Variants in JOSD2 observed in about 807,000 individuals in gnomAD.
JOSD2 encodes the protein josephin-2.
In JOSD2, 20 loss-of-function variants were observed where a neutral mutation model predicts 19.3. The ratio of observed to expected loss-of-function variants is 1.04; its 90% CI spans 0.73 to 1.51. JOSD2 has a LOEUF of 1.51. Ranked by LOEUF, JOSD2 falls within the 40% of genes most tolerant of loss-of-function variation. The probability of loss-of-function intolerance (pLI) is 0.00; values close to 1 mark genes in which losing one functional copy is unlikely to be tolerated. For missense variants in JOSD2, 215 were observed against 250.4 expected, an observed-to-expected ratio of 0.86 and a Z score of 0.95; for synonymous variants, 118 against 123.7, an observed-to-expected ratio of 0.95 and a Z score of 0.31.
At position 50,506,169 on chromosome 19, in the gene JOSD2, A is replaced by G. The variant is rs376569327; in HGVS notation, c.*4T>C. On this transcript the variant is annotated 3_prime_UTR_variant, in exon 5 of 5. Coordinates refer to ENST00000598418, the MANE Select transcript of JOSD2 (RefSeq NM_001270639.2). ...GCGCTGTGGGCGCCGATGGTCAGCC[A>G]TGGTCAGTCTGTCCGCAGCCAGCTG... 146 of 1,612,006 alleles carry G rather than the reference A, an allele frequency of 9.1e-5. 1 individual carries two copies. The highest frequency in any genetic ancestry group is 1.2e-4 in the Non-Finnish European group (137 of 1,179,510).
intron 2 of JOSD2, among the ~76,000 whole-genome samples, chr19:50,509,890 A>G (rs1383014714): frequency 6.6e-6 from 1 of 151,816 alleles, no homozygotes; most frequent in Non-Finnish European, 1.5e-5. Context: ...CGTCTCTACT[A>G]AAAATACAAA....
chr19:50,507,667 C>A lies in JOSD2; in HGVS notation c.179G>T (p.Arg60Leu), dbSNP rs376769993. ...ATAGTTGCCGGTGCCCAGGAGGCTGCGATGAGGGTTCAGCCGGGAGTCTGG... is the reference window on the plus strand; with the variant it reads ...ATAGTTGCCGGTGCCCAGGAGGCTGAGATGAGGGTTCAGCCGGGAGTCTGG... ...LAPDSRLNPH[R>L]SLLGTGNYDV... The change falls in exon 3 of 5, where the codon CGC becomes CTC. Residue 60 changes from arginine (R) to leucine (L), a missense_variant. Physicochemically the swap from Arg to Leu is moderately radical, Grantham distance 102. Coordinates refer to ENST00000598418, the MANE Select transcript of JOSD2 (RefSeq NM_001270639.2). The A allele has an allele frequency of 6.2e-7, 1 of 1,612,044 alleles. No individual in the cohort carries two copies. Among genetic ancestry groups the A allele is most frequent in the Non-Finnish European group, 8.5e-7 (1 of 1,179,900 alleles).
intron 2 of JOSD2, among the ~76,000 whole-genome samples, chr19:50,509,084 G>C (rs1979566623): frequency 6.7e-6 from 1 of 149,944 alleles, no homozygotes; most frequent in African/African-American, 2.5e-5. Context: ...AGGAGGGAGT[G>C]AGAGATGGTA....
chr19:50,509,987 A>G (rs1007651846), intron 2 of JOSD2, among the ~76,000 whole-genome samples: 9 of 141,486 alleles, frequency 6.4e-5, no homozygotes, highest in African/African-American at 1.6e-4. Context: ...CGGGAGGCCG[A>G]GCTCGCAGTG....
chr19:50,506,682 A>G, intron 3 of JOSD2, 110 bp from the exon 4 acceptor site: 1 of 982,610 alleles, frequency 1.0e-6, no homozygotes, highest in Non-Finnish European at 1.5e-6. Context: ...TCCTGAGCCC[A>G]CCCAGAGGTG....
chr19:50,510,273 G>A lies in JOSD2; in HGVS notation c.146+13C>T. The A allele has an allele frequency of 6.2e-7, 1 of 1,613,156 alleles. No homozygotes were observed. Among genetic ancestry groups the A allele is most frequent in the Non-Finnish European group, 8.5e-7 (1 of 1,179,948 alleles). ...GCTCTGCTGCTCCAGGGGCTGGGGT[G>A]GGTGACGGTCACCTCTTGCAGATCT... On this transcript the variant is annotated intron_variant, in intron 2 of 4. Transcript: ENST00000598418.
At chr19:50,507,196 C>G (rs561862667) in intron 3 of JOSD2, among the ~76,000 whole-genome samples, 1 of 148,404 alleles carries the variant, frequency 6.7e-6, no homozygotes, top group Non-Finnish European at 1.5e-5. Context: ...CACTCTTGAC[C>G]CCCCTGCCAT....
intron 2 of JOSD2, among the ~76,000 whole-genome samples, chr19:50,508,371 C>T (rs561715084): frequency 1.3e-5 from 2 of 152,316 alleles, no homozygotes; most frequent in African/African-American, 2.4e-5. Context: ...GCTTCTCCCA[C>T]GGGGTTGCCC....
intron 1 of JOSD2, 77 bp downstream of exon 1, chr19:50,511,040 G>C: frequency 4.5e-6 from 2 of 447,600 alleles, no homozygotes; most frequent in Non-Finnish European, 9.0e-6. Flanking sequence ...CCCCTCCCCG[G>C]ACACCAAGGA....
In JOSD2 at chr19:50,507,710, G is replaced by C; in HGVS notation, c.147-11C>G. 1 of 1,608,680 alleles carries C rather than the reference G, an allele frequency of 6.2e-7. No individual in the cohort carries two copies. Among genetic ancestry groups the C allele is most frequent in the Non-Finnish European group, 8.5e-7 (1 of 1,178,606 alleles). Reference sequence around the variant, plus strand: ...GAGTCTGGGGCCAACCTGGTAGTGGGGGTGGCCAGAGCTGAGGTGGGGACC... The same window carrying C: ...GAGTCTGGGGCCAACCTGGTAGTGGCGGTGGCCAGAGCTGAGGTGGGGACC... On this transcript the variant is annotated splice_polypyrimidine_tract_variant and intron_variant, in intron 2 of 4. Transcript: ENST00000598418.
chr19:50,510,131 G>T, intron 2 of JOSD2, 155 bp downstream of exon 2: 1 of 780,038 alleles, frequency 1.3e-6, no homozygotes, highest in Non-Finnish European at 2.0e-6. Flanking sequence ...GGCACAGGAG[G>T]CAACATCTCC....
intron 4 of JOSD2, 34 bp downstream of exon 4, chr19:50,506,344 C>A (rs746589422): frequency 3.1e-6 from 5 of 1,604,692 alleles, no homozygotes; most frequent in East Asian, 2.2e-5. Flanking sequence ...GGGTTTCAGG[C>A]CCCTGGTCTT....
At position 50,506,058 on chromosome 19, in the gene JOSD2, G is replaced by T; in HGVS notation, c.*115C>A. 1.1e-6 allele frequency: 1 copy of T among 933,086 alleles called. No individual in the cohort carries two copies. Among genetic ancestry groups the T allele is most frequent in the South Asian group, 1.7e-5 (1 of 60,454 alleles). 57.8% of individuals were successfully genotyped at this position (933,086 alleles called of 1,614,324 possible). A position where few individuals can be genotyped will look rare whatever the true frequency, so the allele number is the denominator to read the frequency against. On this transcript the variant is annotated 3_prime_UTR_variant, in exon 5 of 5. Coordinates refer to ENST00000598418, the MANE Select transcript of JOSD2 (RefSeq NM_001270639.2). The stretch of plus-strand genomic sequence containing the variant: ...GCAGTGGGGAGCAGGGGTGTGGGGA[G>T]GGGGCGGGGCCTCCCCAGGGTCCAT...
At chr19:50,508,320 A>C (rs1057148696) in intron 2 of JOSD2, among the ~76,000 whole-genome samples, 1 of 152,290 alleles carries the variant, frequency 6.6e-6, no homozygotes. Context: ...AGCCACCTCA[A>C]CGATGACAGC....
chr19:50,506,366 T>C lies in JOSD2; in HGVS notation c.467+12A>G. On this transcript the variant is annotated intron_variant, in intron 4 of 4. Transcript: ENST00000598418. ...AGGCCCCTGGTCTTGGAATCGCCTC[T>C]GTGGGGCTCACCTGACTCCGTCCTC... The C allele has an allele frequency of 1.2e-6, 2 of 1,605,290 alleles. No homozygotes were observed. Among genetic ancestry groups the C allele is most frequent in the African/African-American group, 2.7e-5 (2 of 74,930 alleles).
rs1979721515 is a variant in JOSD2 at position 50,510,450 on chromosome 19, T to A, written c.-17-2A>T. 2 of 1,594,048 alleles carry A rather than the reference T, an allele frequency of 1.3e-6. No individual in the cohort carries two copies. The highest frequency in any genetic ancestry group is 4.5e-5 in the East Asian group (2 of 44,400). ...GGGACATGCCGTCCTCGGCTCCTGC[T>A]GGGGGTTGGGAGGGGGAGAAGGTCC... On this transcript the variant is annotated splice_acceptor_variant, in intron 1 of 4. Coordinates refer to ENST00000598418, the MANE Select transcript of JOSD2 (RefSeq NM_001270639.2). LOFTEE classifies it low-confidence loss of function (5UTR_SPLICE).
In JOSD2 at chr19:50,510,276, T is replaced by G. The variant is rs761401490; in HGVS notation, c.146+10A>C. ...CTGCTGCTCCAGGGGCTGGGGTGGG[T>G]GACGGTCACCTCTTGCAGATCTCAT... On this transcript the variant is annotated intron_variant, in intron 2 of 4. Transcript: ENST00000598418. 1 of 1,613,084 alleles carries G rather than the reference T, an allele frequency of 6.2e-7. No homozygotes were observed. The highest frequency in any genetic ancestry group is 8.5e-7 in the Non-Finnish European group (1 of 1,179,946).
chr19:50,509,170 C>T (rs1008703644), intron 2 of JOSD2, among the ~76,000 whole-genome samples: 1 of 151,096 alleles, frequency 6.6e-6, no homozygotes, highest in African/African-American at 2.4e-5. Context: ...CTCTGTCTCC[C>T]AGCTTCAAGC....
chr19:50,507,341 C>T (rs1049382987), intron 3 of JOSD2, among the ~76,000 whole-genome samples: 3 of 151,950 alleles, frequency 2.0e-5, no homozygotes, highest in Non-Finnish European at 4.4e-5. Flanking sequence ...CTTCACTCCC[C>T]CTGACCCAAC....
Sources: gnomAD v4.1 joint callset for allele counts (sites outside exome capture counted in the v4.1 genomes callset) on GRCh38, gnomAD v4.1.1 for gene constraint, MANE v1.5 for transcripts, NCBI Gene and HGNC (gene_info 2026-07-23, HGNC 2026-07-21) for gene names.